SART1: variants seen among roughly 807,000 people sequenced by gnomAD.
SART1 encodes the protein spliceosome associated factor 1, recruiter of U4/U6.U5 tri-snRNP, also known as U4/U6.U5 tri-snRNP-associated protein 1.
In SART1, 28 loss-of-function variants were observed where a neutral mutation model predicts 105.0. The ratio of observed to expected loss-of-function variants is 0.27; its 90% confidence interval spans 0.20 to 0.37. The LOEUF is 0.37. SART1 is among the 10% of genes least tolerant of loss of function. The pLI is 1.00. For synonymous variants in SART1, 472 were observed against 462.9 expected, an observed-to-expected ratio of 1.02 and a Z score of -0.25; for missense variants, 894 against 1,106.5, an observed-to-expected ratio of 0.81 and a Z score of 2.72.
In SART1 at chr11:65,976,857, A is replaced by T; in HGVS notation, c.1857+91A>T. The stretch of plus-strand genomic sequence containing the variant: ...CGGTGTCCAGAGCCTCAGCCTCCTC[A>T]TCCAGAGTGGGCTCTGCAGACCTCC... On this transcript the variant is annotated intron_variant, in intron 14 of 19. Transcript: ENST00000312397. The surrounding 1 kb of genome is among the most constrained non-coding windows in gnomAD (Gnocchi z 5.1). 8.2e-7 allele frequency: 1 copy of T among 1,223,094 alleles called. No homozygotes were observed. The highest frequency in any genetic ancestry group is 1.4e-5 in the South Asian group (1 of 73,820). 75.8% of individuals were successfully genotyped at this position (1,223,094 alleles called of 1,614,324 possible).
At position 65,977,661 on chromosome 11, in the gene SART1, T is replaced by TG. The variant is rs1464276250; in HGVS notation, c.2036+10dup. On this transcript the variant is annotated intron_variant, in intron 16 of 19. Coordinates refer to ENST00000312397, the MANE Select transcript of SART1 (RefSeq NM_005146.5). ...CTGCATCGAGGATAAGATGTGAGTG[T>TG]GGTGGGGCCTGTGCAGGGCTGAGGG... The TG allele has an allele frequency of 2.5e-6, 4 of 1,613,858 alleles. No individual in the cohort carries two copies. The Admixed American group carries it at 5.0e-5, about 20-fold the overall frequency.
intron 11 of SART1, 26 bp downstream of exon 11, chr11:65,967,612 G>T (rs373380190): frequency 6.2e-7 from 1 of 1,608,152 alleles, no homozygotes. Flanking sequence ...GGGGGTGGGA[G>T]GGGCAGGGAC....
In SART1 at chr11:65,978,476, A is replaced by G; in HGVS notation, c.2173-124A>G. Reference sequence around the variant, plus strand: ...TGTGCTCTTTTCCCATCCCCTTCCCACTGCACCCCAGGCCTGGCATTGGGG... The same window carrying G: ...TGTGCTCTTTTCCCATCCCCTTCCCGCTGCACCCCAGGCCTGGCATTGGGG... On this transcript the variant is annotated intron_variant, in intron 17 of 19. Coordinates refer to ENST00000312397, the MANE Select transcript of SART1 (RefSeq NM_005146.5). This position sits in a 1 kb window ranked among gnomAD's most constrained non-coding sequence, Gnocchi z 6.8. 2.2e-6 allele frequency: 2 copies of G among 904,148 alleles called. No individual in the cohort carries two copies. The highest frequency in any genetic ancestry group is 3.5e-6 in the Non-Finnish European group (2 of 576,742). The allele number at this position is 904,148 out of a possible 1,614,324, so 56.0% of individuals were successfully genotyped here.
chr11:65,973,371 A>G (rs1855421124), intron 12 of SART1, among the ~76,000 whole-genome samples: 1 of 152,196 alleles, frequency 6.6e-6, no homozygotes. Flanking sequence ...TGTAGATAAG[A>G]CAGGCAGTTC....
Position 65,967,591 on chromosome 11 carries a change from G to A in SART1, c.1429+5G>A. The A allele has an allele frequency of 6.2e-7, 1 of 1,611,646 alleles. No individual in the cohort carries two copies. The highest frequency in any genetic ancestry group is 2.2e-5 in the East Asian group (1 of 44,850). The stretch of plus-strand genomic sequence containing the variant: ...ACATGGACATCAGTGATGAGGGTGA[G>A]GGCCCGGCCAGGGGGTGGGAGGGGC... On this transcript the variant is annotated splice_donor_5th_base_variant and intron_variant, in intron 11 of 19. Coordinates refer to ENST00000312397, the MANE Select transcript of SART1 (RefSeq NM_005146.5).
rs1463441332 is a variant in SART1 at position 65,967,340 on chromosome 11, C to T, written c.1270C>T (p.Leu424=). ...KEVVVRADDL[L]PLGDQTQDGD... ...GGTAGTAGTGCGGGCAGATGACTTG[C>T]TGCCTCTCGGGGACCAGACTCAGGA... The change falls in exon 10 of 20, where the codon CTG becomes TTG. Residue 424 remains leucine, a synonymous_variant. Coordinates refer to ENST00000312397, the MANE Select transcript of SART1 (RefSeq NM_005146.5). 12 of 1,614,010 alleles carry T rather than the reference C, an allele frequency of 7.4e-6. No individual in the cohort carries two copies. In the East Asian group the frequency reaches 1.1e-4, roughly 15 times the overall value.
rs1855543593 is a variant in SART1 at position 65,979,239 on chromosome 11, G to C, written c.*209G>C. Reference sequence around the variant, plus strand: ...AGAGAGCGAGCCCGGGTCCTCTAAGGCTCCTTCCTTCTCCCCTGGCTGTCG... The same window carrying C: ...AGAGAGCGAGCCCGGGTCCTCTAAGCCTCCTTCCTTCTCCCCTGGCTGTCG... On this transcript the variant is annotated 3_prime_UTR_variant, in exon 20 of 20. Coordinates refer to ENST00000312397, the MANE Select transcript of SART1 (RefSeq NM_005146.5). The C allele has an allele frequency of 3.1e-6, 2 of 644,112 alleles. No homozygotes were observed. Among genetic ancestry groups the C allele is most frequent in the Admixed American group, 2.8e-5 (1 of 35,986 alleles). 39.9% of individuals were successfully genotyped at this position (644,112 alleles called of 1,614,324 possible). A position where few individuals can be genotyped will look rare whatever the true frequency, so the allele number is the denominator to read the frequency against.
intron 9 of SART1, 132 bp from the exon 10 acceptor site, chr11:65,967,127 T>C: frequency 7.8e-7 from 1 of 1,281,120 alleles, no homozygotes; most frequent in Non-Finnish European, 1.1e-6. Flanking sequence ...CCCCACATGT[T>C]GCTCATGTGT....
At chr11:65,964,848 G>C (rs1014180562) in intron 3 of SART1, among the ~76,000 whole-genome samples, 6 of 152,234 alleles carry the variant, frequency 3.9e-5, no homozygotes, top group Non-Finnish European at 5.9e-5. Flanking sequence ...CTGTGCGGGG[G>C]TGGGTTTCTT....
At chr11:65,977,540 T>G in intron 15 of SART1, 23 bp from the exon 16 acceptor site, 1 of 1,602,734 alleles carries the variant, frequency 6.2e-7, no homozygotes, top group South Asian at 1.1e-5. Context: ...GGGTTGGGAG[T>G]CTCACAACCC....
chr11:65,972,033 C>T (rs1049955280), intron 12 of SART1, among the ~76,000 whole-genome samples: 1 of 152,050 alleles, frequency 6.6e-6, no homozygotes, highest in African/African-American at 2.4e-5. Flanking sequence ...GCTCTGTCCA[C>T]ATACAGTCAT....
At chr11:65,967,945 G>GT in intron 12 of SART1, 124 bp downstream of exon 12, 52 of 763,618 alleles carry the variant, frequency 6.8e-5, no homozygotes, top group South Asian at 1.1e-4. Flanking sequence ...TGTTTTCTGG[G>GT]TTTGTTTTTT....
At chr11:65,973,930 T>C (rs1855431212) in intron 12 of SART1, among the ~76,000 whole-genome samples, 1 of 152,096 alleles carries the variant, frequency 6.6e-6, no homozygotes, top group South Asian at 2.1e-4. Context: ...CAGGTCCTTA[T>C]GTGCTAAAGC....
At chr11:65,966,982 C>T (rs1230265551) in intron 9 of SART1, among the ~76,000 whole-genome samples, 1 of 152,142 alleles carries the variant, frequency 6.6e-6, no homozygotes. Flanking sequence ...GCGTCTTCCT[C>T]AGTGGGTAAG....
rs377459006 is a variant in SART1, at chr11:65,978,553, G to A, written c.2173-47G>A. 15 of 1,540,218 alleles carry A rather than the reference G, an allele frequency of 9.7e-6. No homozygotes were observed. The highest frequency in any genetic ancestry group is 4.4e-4 in the Middle Eastern group (2 of 4,512). On this transcript the variant is annotated intron_variant, in intron 17 of 19. Transcript: ENST00000312397. The surrounding 1 kb of genome is among the most constrained non-coding windows in gnomAD (Gnocchi z 6.8). ...ACACCTTGTGGGCACAGGTGGCTCCGGCCCCACCCAGGGCCCTGCATCTCC... is the reference window on the plus strand; with the variant it reads ...ACACCTTGTGGGCACAGGTGGCTCCAGCCCCACCCAGGGCCCTGCATCTCC...
At chr11:65,965,576 A>C in intron 5 of SART1, 126 bp from the exon 6 acceptor site, 2 of 1,311,092 alleles carry the variant, frequency 1.5e-6, no homozygotes, top group African/African-American at 1.5e-5. Context: ...GGTAGCATCT[A>C]CTTTGGATTC....
Position 65,962,112 on chromosome 11 carries a change from C to T in SART1, c.313+19C>T. The T allele has an allele frequency of 6.6e-6, 1 of 151,926 alleles. No individual in the cohort carries two copies. The highest frequency in any genetic ancestry group is 7.0e-5 in the South Asian group (1 of 14,286). The allele number at this position is 151,926 out of a possible 1,614,324, so 9.4% of individuals were successfully genotyped here. ...GAGGCCGGTGAGGAGGCGGGGCCTG[C>T]GCAGGGGGCGGGTCGGGCGGGGGTC... On this transcript the variant is annotated intron_variant, in intron 1 of 19. Transcript: ENST00000312397.
rs368698198 is a variant in SART1, at chr11:65,967,632, G to A, written c.1429+46G>A. 7.1e-5 allele frequency: 113 copies of A among 1,599,370 alleles called. No homozygotes were observed. In the African/African-American group the frequency reaches 1.2e-3, roughly 17 times the overall value. On this transcript the variant is annotated intron_variant, in intron 11 of 19. Coordinates refer to ENST00000312397, the MANE Select transcript of SART1 (RefSeq NM_005146.5). ...TGGGAGGGGCAGGGACAGGAGCCGC[G>A]GGTTGGAGGAGATGGTCTGAGCAGG...
chr11:65,967,945 G>A, intron 12 of SART1, 124 bp downstream of exon 12: 1 of 763,810 alleles, frequency 1.3e-6, no homozygotes, highest in Non-Finnish European at 1.9e-6. Context: ...TGTTTTCTGG[G>A]TTTGTTTTTT....
Sources: allele counts gnomAD v4.1 joint callset (sites outside exome capture counted in the v4.1 genomes callset), GRCh38; gene constraint gnomAD v4.1.1; non-coding constraint Gnocchi (gnomAD v3.1); transcripts MANE v1.5; gene names NCBI Gene and HGNC (gene_info 2026-07-23, HGNC 2026-07-21).